The following STARD13 variants were observed in gnomAD, a reference collection of about 807,000 sequenced individuals.
The protein encoded by STARD13 is stAR-related lipid transfer protein 13.
STARD13 carries 62 observed loss-of-function variants against 106.4 expected under a neutral mutation model. The ratio of observed to expected loss-of-function variants is 0.58; its 90% CI spans 0.48 to 0.72. The LOEUF (loss-of-function observed/expected upper bound fraction) is 0.72, where lower values mean the gene tolerates loss of function less well. Ranked by LOEUF, STARD13 falls within the 30% of genes least tolerant of loss-of-function variation. The probability of loss-of-function intolerance (pLI) is 0.00; values close to 1 mark genes in which losing one functional copy is unlikely to be tolerated. For synonymous variants in STARD13, 565 were observed against 553.0 expected, an observed-to-expected ratio of 1.02 and a Z score of -0.31; for missense variants, 1,387 against 1,424.0, an observed-to-expected ratio of 0.97 and a Z score of 0.42.
At chr13:33,265,598 C>T (rs1355603697) in intron 1 of STARD13, among the ~76,000 whole-genome samples, 3 of 152,126 alleles carry the variant, frequency 2.0e-5, no homozygotes, top group Non-Finnish European at 4.4e-5. Context: ...TGAAATAGTT[C>T]AAGCAACTAT....
chr13:33,412,739 G>C, the STARD13 span, among the ~76,000 whole-genome samples: 2 of 151,988 alleles, frequency 1.3e-5, no homozygotes, highest in Non-Finnish European at 2.9e-5. Flanking sequence ...TATGTAAAAG[G>C]GTAAATTCAC....
Position 33,106,831 on chromosome 13 carries a change from C to A in STARD13, c.3151G>T (p.Asp1051Tyr). 6.2e-7 allele frequency: 1 copy of A among 1,614,160 alleles called. No homozygotes were observed. Among genetic ancestry groups the A allele is most frequent in the Non-Finnish European group, 8.5e-7 (1 of 1,180,006 alleles). Residue 1051 changes from aspartate (D) to tyrosine (Y), a missense_variant, in exon 13 of 14, where the codon GAC (aspartate) becomes TAC (tyrosine). By Grantham distance (160) the Asp-to-Tyr change is radical (BLOSUM62 -3). Transcript: ENST00000336934. ...CACGGTTCTATCAAGTACTGCGAGT[C>A]CATCACCACTGCTCGCACACCACCC... The part of the protein sequence containing the change: ...LLGGVRAVVM[D>Y]SQYLIEPCGS...
At chr13:33,330,091 G>A (rs1476413177) in intron 1 of STARD13, among the ~76,000 whole-genome samples, 2 of 152,192 alleles carry the variant, frequency 1.3e-5, no homozygotes, top group Non-Finnish European at 2.9e-5. Flanking sequence ...CAGTGAACAT[G>A]GGAATGCAGA....
chr13:33,379,967 A>T, the STARD13 span, among the ~76,000 whole-genome samples: 1 of 152,064 alleles, frequency 6.6e-6, no homozygotes, highest in African/African-American at 2.4e-5. Context: ...CTCAAGGACA[A>T]TGTTCTCAGA....
the STARD13 span, among the ~76,000 whole-genome samples, chr13:33,419,352 G>T: frequency 2.4e-4 from 36 of 152,228 alleles, no homozygotes; most frequent in Non-Finnish European, 5.0e-4. Context: ...CAATCAAGTG[G>T]AAGAAAGGAT....
the STARD13 span, among the ~76,000 whole-genome samples, chr13:33,613,281 G>A: frequency 6.6e-6 from 1 of 152,204 alleles, no homozygotes; most frequent in Non-Finnish European, 1.5e-5. Context: ...GAAAGGGTGA[G>A]TCTAAGCTTA....
At chr13:33,653,114 G>C in the STARD13 span, among the ~76,000 whole-genome samples, 1 of 152,088 alleles carries the variant, frequency 6.6e-6, no homozygotes, top group African/African-American at 2.4e-5. Flanking sequence ...AATTGATATA[G>C]AGATTCAATG....
the STARD13 span, among the ~76,000 whole-genome samples, chr13:33,515,004 G>A: frequency 6.6e-6 from 1 of 152,088 alleles, no homozygotes; most frequent in South Asian, 2.1e-4. Flanking sequence ...AGGTTATGTG[G>A]CCTGGAAAAC....
At chr13:33,273,398 C>G (rs1891257116) in intron 1 of STARD13, among the ~76,000 whole-genome samples, 1 of 152,188 alleles carries the variant, frequency 6.6e-6, no homozygotes, top group Non-Finnish European at 1.5e-5. Flanking sequence ...TAACATGTAA[C>G]TTATGATGTA....
the STARD13 span, among the ~76,000 whole-genome samples, chr13:33,550,122 T>A: frequency 6.6e-6 from 1 of 152,214 alleles, no homozygotes; most frequent in Admixed American, 6.5e-5. Context: ...TTCTGCTGGA[T>A]GATGAGCAGA....
chr13:33,374,082 C>A, the STARD13 span, among the ~76,000 whole-genome samples: 2 of 152,018 alleles, frequency 1.3e-5, no homozygotes, highest in Non-Finnish European at 2.9e-5. Context: ...TGGTATATAC[C>A]TACAGTAAAA....
chr13:33,601,425 G>T, the STARD13 span, among the ~76,000 whole-genome samples: 896 of 152,164 alleles, frequency 5.9e-3, 4 homozygotes, highest in Non-Finnish European at 8.5e-3. Flanking sequence ...CTAGCCCTGG[G>T]GACTTTGTGG....
the STARD13 span, among the ~76,000 whole-genome samples, chr13:33,527,956 T>C: frequency 3.3e-5 from 5 of 151,046 alleles, no homozygotes; most frequent in African/African-American, 1.2e-4. Context: ...AAGCCATAAG[T>C]AATGTAACAC....
the STARD13 span, among the ~76,000 whole-genome samples, chr13:33,652,027 C>T: frequency 2.0e-5 from 3 of 152,184 alleles, no homozygotes; most frequent in South Asian, 6.2e-4. Flanking sequence ...AGCAGTGCCA[C>T]GTTGAGCAGA....
intron 4 of STARD13, among the ~76,000 whole-genome samples, chr13:33,141,841 C>A (rs1330822967): frequency 6.6e-6 from 1 of 151,518 alleles, no homozygotes; most frequent in African/African-American, 2.4e-5. Flanking sequence ...TGAAAGATCA[C>A]CATAAAGCAC....
chr13:33,460,520 G>A, the STARD13 span, among the ~76,000 whole-genome samples: 1 of 151,424 alleles, frequency 6.6e-6, no homozygotes, highest in East Asian at 1.9e-4. Context: ...ATTGTTTCTG[G>A]GCCATGGAAT....
At chr13:33,400,866 C>T in the STARD13 span, among the ~76,000 whole-genome samples, 32 of 152,120 alleles carry the variant, frequency 2.1e-4, no homozygotes, top group Non-Finnish European at 2.4e-4. Context: ...GTAAATAATA[C>T]TTCAATAAAA....
intron 1 of STARD13, among the ~76,000 whole-genome samples, chr13:33,262,662 A>ACAACACAC (rs5802678): frequency 1.0e-3 from 118 of 114,988 alleles, no homozygotes; most frequent in African/African-American, 3.5e-3. Context: ...ACACACACAC[A>ACAACACAC]ACACACACAC....
chr13:33,106,717 T>TC (rs1221090331), intron 13 of STARD13, 41 bp downstream of exon 13: 5 of 1,541,416 alleles, frequency 3.2e-6, no homozygotes, highest in African/African-American at 1.4e-5. Flanking sequence ...AAGCTGAGAC[T>TC]CCCAAGATCT....
Sources: gnomAD v4.1 joint callset for allele counts (sites outside exome capture counted in the v4.1 genomes callset) on GRCh38, gnomAD v4.1.1 for gene constraint, MANE v1.5 for transcripts, NCBI Gene and HGNC (gene_info 2026-07-23, HGNC 2026-07-21) for gene names.